Variants in CAMK2D observed in about 807,000 individuals in gnomAD.
The protein encoded by CAMK2D is calcium/calmodulin-dependent protein kinase type II subunit delta.
Under a neutral mutation model 84.0 loss-of-function variants are expected in CAMK2D, and 37 were observed. The observed-to-expected ratio is 0.44, with a 90% CI of 0.34 to 0.58. The LOEUF is 0.58. Among genes scored for constraint, CAMK2D ranks in the 20% least tolerant of loss-of-function variants. The pLI is 0.02. For missense variants in CAMK2D, 448 were observed against 652.5 expected, an observed-to-expected ratio of 0.69 and a Z score of 3.41; for synonymous variants, 202 against 212.5, an observed-to-expected ratio of 0.95 and a Z score of 0.43.
intron 16 of CAMK2D, among the ~76,000 whole-genome samples, chr4:113,489,432 T>C (rs1468294820): frequency 6.6e-6 from 1 of 151,888 alleles, no homozygotes; most frequent in African/African-American, 2.4e-5. Flanking sequence ...AGAATGATGA[T>C]TTCCAATTTC....
chr4:113,656,690 T>C (rs979828632), intron 3 of CAMK2D, among the ~76,000 whole-genome samples: 2 of 152,114 alleles, frequency 1.3e-5, no homozygotes, highest in Non-Finnish European at 2.9e-5. Flanking sequence ...TCCCTACTTT[T>C]CCCCTAACAA....
At chr4:113,688,996 G>A (rs926397153) in intron 2 of CAMK2D, among the ~76,000 whole-genome samples, 1 of 146,016 alleles carries the variant, frequency 6.8e-6, no homozygotes, top group African/African-American at 2.5e-5. Context: ...TGTAACCCCA[G>A]CACTTTGGGA....
In CAMK2D at chr4:113,566,652, T is replaced by A. The variant is rs1010759451; in HGVS notation, c.276-14556A>T. 3.3e-5 allele frequency among the ~76,000 whole-genome samples: 5 copies of A among 152,210 alleles called. No individual in the cohort carries two copies. In the East Asian group the frequency reaches 9.6e-4, roughly 29 times the overall value. The stretch of plus-strand genomic sequence containing the variant: ...TATCCTTGCACCCTAGGACTTGGGA[T>A]GTTTCATGCCACACTGGCCTTTGTT... On this transcript the variant is annotated intron_variant, in intron 4 of 20. Coordinates refer to ENST00000511664, the MANE Select transcript of CAMK2D (RefSeq NM_001321571.2).
rs532779706 is a variant in CAMK2D at position 113,638,204 on chromosome 4, G to A, written c.220+23509C>T. On this transcript the variant is annotated intron_variant, in intron 3 of 20. Coordinates refer to ENST00000511664, the MANE Select transcript of CAMK2D (RefSeq NM_001321571.2). ...AAGTGAAGAAAAGGGAAGGCTGACT[G>A]AGGTTAAAAACAATGGAGCTTGAAC... Among the ~76,000 whole-genome samples, 167 of 152,272 alleles carry A rather than the reference G, an allele frequency of 1.1e-3. 2 individuals carry two copies. Among genetic ancestry groups the A allele is most frequent in the African/African-American group, 3.9e-3 (163 of 41,544 alleles).
chr4:113,548,805 G>T, intron 5 of CAMK2D: 1 of 708,440 alleles, frequency 1.4e-6, no homozygotes, highest in South Asian at 1.7e-5. Flanking sequence ...GAAATAAAAT[G>T]AAAGTCCCAA....
At chr4:113,737,388 A>G (rs2099583645) in intron 2 of CAMK2D, among the ~76,000 whole-genome samples, 1 of 152,186 alleles carries the variant, frequency 6.6e-6, no homozygotes, top group African/African-American at 2.4e-5. Context: ...AGTCAGACAG[A>G]AAAAGACAAG....
At chr4:113,512,633 C>A (rs188417991) in intron 12 of CAMK2D, among the ~76,000 whole-genome samples, 1 of 152,140 alleles carries the variant, frequency 6.6e-6, no homozygotes, top group African/African-American at 2.4e-5. Context: ...AGTGCAGTGG[C>A]GTGATCTCTG....
chr4:113,522,224 T>C (rs1332529865), intron 8 of CAMK2D, among the ~76,000 whole-genome samples: 1 of 152,186 alleles, frequency 6.6e-6, no homozygotes, highest in Admixed American at 6.5e-5. Flanking sequence ...AGAAGGAATG[T>C]TGGAGAACTC....
At chr4:113,649,908 C>A (rs1318903082) in intron 3 of CAMK2D, among the ~76,000 whole-genome samples, 3 of 151,990 alleles carry the variant, frequency 2.0e-5, no homozygotes, top group Non-Finnish European at 4.4e-5. Context: ...ATGGCGAAAC[C>A]CTGTCCCTAC....
chr4:113,597,385 T>C (rs1424826143), intron 4 of CAMK2D, among the ~76,000 whole-genome samples: 2 of 152,212 alleles, frequency 1.3e-5, no homozygotes, highest in Admixed American at 6.5e-5. Flanking sequence ...CATCAGCTCT[T>C]GCTGCTTCAC....
chr4:113,501,459 C>T (rs770797581), intron 15 of CAMK2D, among the ~76,000 whole-genome samples: 10 of 151,920 alleles, frequency 6.6e-5, no homozygotes, highest in Admixed American at 1.3e-4. Flanking sequence ...CAATCAATAG[C>T]TCAGTAATGG....
intron 5 of CAMK2D, among the ~76,000 whole-genome samples, chr4:113,550,840 G>C (rs911745388): frequency 1.3e-5 from 2 of 152,090 alleles, no homozygotes; most frequent in African/African-American, 4.8e-5. Flanking sequence ...ATTTGACTTT[G>C]GCCATAAAAA....
chr4:113,696,293 T>C (rs1421443739), intron 2 of CAMK2D, among the ~76,000 whole-genome samples: 1 of 151,686 alleles, frequency 6.6e-6, no homozygotes, highest in African/African-American at 2.4e-5. Context: ...CCTATTACCA[T>C]CTCACATACT....
intron 3 of CAMK2D, among the ~76,000 whole-genome samples, chr4:113,634,631 A>C (rs1324366120): frequency 1.3e-5 from 2 of 152,200 alleles, no homozygotes; most frequent in African/African-American, 4.8e-5. Flanking sequence ...CTTCCCTCAA[A>C]ATTGCATATG....
chr4:113,654,007 G>C (rs1017167342), intron 3 of CAMK2D, among the ~76,000 whole-genome samples: 1 of 151,940 alleles, frequency 6.6e-6, no homozygotes, highest in African/African-American at 2.4e-5. Context: ...GTGAAAACTA[G>C]GGAGATCTAA....
At chr4:113,547,565 TGCC>T in intron 6 of CAMK2D, 76 bp downstream of exon 6, 3 of 784,964 alleles carry the variant, frequency 3.8e-6, no homozygotes, top group Admixed American at 5.3e-5. Context: ...CTCATATTTT[TGCC>T]TTTACAGGCA....
chr4:113,457,148 C>A, intron 19 of CAMK2D, 187 bp downstream of exon 19: 1 of 1,423,600 alleles, frequency 7.0e-7, no homozygotes, highest in Middle Eastern at 2.3e-4. Context: ...AGTTTCAACC[C>A]ACAAATGGCT....
intron 13 of CAMK2D, among the ~76,000 whole-genome samples, chr4:113,507,006 T>C (rs964262745): frequency 2.0e-5 from 3 of 152,090 alleles, no homozygotes; most frequent in African/African-American, 4.8e-5. Flanking sequence ...TCTTTATTGT[T>C]AGGTATGGGA....
intron 16 of CAMK2D, among the ~76,000 whole-genome samples, chr4:113,494,606 C>T (rs1278809059): frequency 6.6e-6 from 1 of 152,252 alleles, no homozygotes; most frequent in African/African-American, 2.4e-5. Context: ...TGTCTGTGTC[C>T]TGCCCCCAGA....
Sources: gnomAD v4.1 joint callset for allele counts (sites outside exome capture counted in the v4.1 genomes callset) on GRCh38, gnomAD v4.1.1 for gene constraint, MANE v1.5 for transcripts, NCBI Gene and HGNC (gene_info 2026-07-23, HGNC 2026-07-21) for gene names.